MTO1: variants seen among roughly 807,000 people sequenced by gnomAD.
MTO1 encodes mitochondrial tRNA translation optimization 1.
A neutral mutation model predicts 71.6 loss-of-function variants in MTO1; 46 were observed. That is an observed-to-expected ratio of 0.64 (90% CI 0.51 to 0.82). The LOEUF (loss-of-function observed/expected upper bound fraction) is 0.82. MTO1 is among the 40% of genes least tolerant of loss of function. The probability of loss-of-function intolerance (pLI) is 0.00; values close to 1 mark genes in which losing one functional copy is unlikely to be tolerated. For missense variants in MTO1, 773 were observed against 867.5 expected (o/e 0.89, Z 1.37); for synonymous variants, 297 against 312.1 (o/e 0.95, Z 0.51).
intron 9 of MTO1, among the ~76,000 whole-genome samples, chr6:73,483,784 A>G (rs1207688151): frequency 9.6e-6 from 1 of 104,094 alleles, no homozygotes; most frequent in East Asian, 2.7e-4. Context: ...ACACCTGGCT[A>G]TTTTTTTTTT....
At chr6:73,487,459 G>T (rs1375532657) in intron 9 of MTO1, 1 of 149,972 alleles carries the variant, frequency 6.7e-6, no homozygotes, top group African/African-American at 2.5e-5. Context: ...GGAATTACAG[G>T]CATGACCCAC....
chr6:73,485,603 T>G (rs1015477022), intron 9 of MTO1, among the ~76,000 whole-genome samples: 3 of 152,174 alleles, frequency 2.0e-5, no homozygotes, highest in African/African-American at 7.2e-5. Context: ...CATGCCTGGC[T>G]AATTTTTGTT....
intron 6 of MTO1, 104 bp from the exon 7 acceptor site, chr6:73,480,570 TA>T: frequency 1.4e-6 from 2 of 1,425,894 alleles, no homozygotes. Flanking sequence ...GCTCCTGACC[TA>T]AATAGTCTGT....
intron 9 of MTO1, among the ~76,000 whole-genome samples, chr6:73,484,936 A>C (rs548892217): frequency 5.8e-4 from 88 of 151,966 alleles, no homozygotes; most frequent in African/African-American, 2.0e-3. Flanking sequence ...AATCCCAGCT[A>C]TTCAAGAGGC....
chr6:73,498,577 T>C (rs1270124283), intron 11 of MTO1, among the ~76,000 whole-genome samples: 2 of 151,820 alleles, frequency 1.3e-5, no homozygotes, highest in African/African-American at 4.8e-5. Flanking sequence ...TGTGAGAGGG[T>C]ATATGCATGT....
At chr6:73,482,777 T>C (rs1771543103) in intron 9 of MTO1, among the ~76,000 whole-genome samples, 157 bp downstream of exon 9, 1 of 145,112 alleles carries the variant, frequency 6.9e-6, no homozygotes, top group South Asian at 2.2e-4. Context: ...CTGTAACTCA[T>C]CTTTTTTCTT....
rs1237403035 is a variant in MTO1, at chr6:73,494,874, G to A, written c.1756+2522G>A. Among the ~76,000 whole-genome samples the A allele has an allele frequency of 2.6e-5, 4 of 151,194 alleles. No individual in the cohort carries two copies. In the East Asian group the frequency reaches 7.7e-4, roughly 29 times the overall value. ...AATTCACTGCAACCTCGGCCTCCTG[G>A]GTTCAAGCCGTTCTCCTGCCTCAGC... On this transcript the variant is annotated intron_variant, in intron 10 of 11. Coordinates refer to ENST00000498286, the MANE Select transcript of MTO1 (RefSeq NM_012123.4).
chr6:73,491,707 C>T (rs975206338), intron 9 of MTO1, among the ~76,000 whole-genome samples: 2 of 152,164 alleles, frequency 1.3e-5, no homozygotes, highest in Admixed American at 6.6e-5. Context: ...ACAGCCATGC[C>T]ACCCTTACCA....
intron 4 of MTO1, among the ~76,000 whole-genome samples, chr6:73,476,787 TA>T (rs1228904432): frequency 4.0e-5 from 6 of 151,374 alleles, no homozygotes; most frequent in African/African-American, 1.5e-4. Flanking sequence ...CAATAAAATT[TA>T]AATTTTTTTT....
At chr6:73,474,029 A>AC (rs558722600) in intron 4 of MTO1, among the ~76,000 whole-genome samples, 22 of 147,040 alleles carry the variant, frequency 1.5e-4, no homozygotes, top group South Asian at 4.3e-4. Flanking sequence ...CAAAGGATCC[A>AC]CCCCCCTTGG....
intron 6 of MTO1, 151 bp from the exon 7 acceptor site, chr6:73,480,524 C>A: frequency 1.0e-6 from 1 of 958,890 alleles, no homozygotes; most frequent in Non-Finnish European, 1.6e-6. Flanking sequence ...CCCGCCTTGG[C>A]CCCCCAAAGT....
At chr6:73,493,014 G>T (rs1332706762) in intron 10 of MTO1, among the ~76,000 whole-genome samples, 1 of 100,770 alleles carries the variant, frequency 9.9e-6, no homozygotes, top group African/African-American at 4.1e-5. Flanking sequence ...TTTTTTTTGA[G>T]GAGGAGTTTC....
intron 3 of MTO1, among the ~76,000 whole-genome samples, chr6:73,470,538 A>C (rs1771129376): frequency 6.6e-6 from 1 of 152,062 alleles, no homozygotes; most frequent in African/African-American, 2.4e-5. Context: ...ACATATCTTA[A>C]TTCCCATTTT....
intron 1 of MTO1, among the ~76,000 whole-genome samples, chr6:73,465,035 G>T (rs1007788814): frequency 2.0e-5 from 3 of 152,072 alleles, no homozygotes; most frequent in African/African-American, 7.2e-5. Flanking sequence ...TCACTCACAA[G>T]AAATTTGTAA....
At chr6:73,472,034 T>C (rs1277384005) in intron 3 of MTO1, among the ~76,000 whole-genome samples, 4 of 152,174 alleles carry the variant, frequency 2.6e-5, no homozygotes, top group African/African-American at 4.8e-5. Context: ...AATGTGTAAA[T>C]TTCAGCTGTT....
chr6:73,497,224 C>T (rs941212045), intron 10 of MTO1, among the ~76,000 whole-genome samples: 22 of 135,796 alleles, frequency 1.6e-4, no homozygotes, highest in Non-Finnish European at 2.7e-4. Context: ...GCTATATCGG[C>T]TCACTGCAAC....
At chr6:73,492,204 T>C in intron 9 of MTO1, 30 bp from the exon 10 acceptor site, 1 of 1,387,802 alleles carries the variant, frequency 7.2e-7, no homozygotes, top group Non-Finnish European at 1.0e-6. Context: ...CATGGATCCT[T>C]ATGTTAATGA....
chr6:73,485,344 T>C (rs960831304), intron 9 of MTO1, among the ~76,000 whole-genome samples: 1 of 152,184 alleles, frequency 6.6e-6, no homozygotes, highest in Non-Finnish European at 1.5e-5. Context: ...TTTGGCCAGA[T>C]TCCTTTTTAA....
intron 9 of MTO1, among the ~76,000 whole-genome samples, chr6:73,482,981 A>T (rs961223534): frequency 6.6e-6 from 1 of 151,256 alleles, no homozygotes; most frequent in South Asian, 2.1e-4. Context: ...TTTAGTAGAG[A>T]TGGGGTTTCA....
Sources: allele counts gnomAD v4.1 joint callset (sites outside exome capture counted in the v4.1 genomes callset), GRCh38; gene constraint gnomAD v4.1.1; transcripts MANE v1.5; gene names NCBI Gene and HGNC (gene_info 2026-07-23, HGNC 2026-07-21).